Variants in PPEF1 observed in about 807,000 individuals in gnomAD.
PPEF1 encodes protein phosphatase with EF-hand domain 1.
PPEF1 carries 12 observed loss-of-function variants against 53.3 expected under a neutral mutation model. The ratio of observed to expected loss-of-function variants is 0.23; its 90% CI spans 0.14 to 0.36. The LOEUF (loss-of-function observed/expected upper bound fraction) is 0.36, where lower values mean the gene tolerates loss of function less well. Ranked by LOEUF, PPEF1 falls within the 10% of genes least tolerant of loss-of-function variation. The probability of loss-of-function intolerance (pLI) is 1.00; values close to 1 mark genes in which losing one functional copy is unlikely to be tolerated. For synonymous variants in PPEF1, 165 were observed against 176.7 expected, an observed-to-expected ratio of 0.93 and a Z score of 0.52; for missense variants, 334 against 490.4, an observed-to-expected ratio of 0.68 and a Z score of 3.01.
At chrX:18,761,020 A>G (rs2891806) in intron 5 of PPEF1, among the ~76,000 whole-genome samples, 44,171 of 109,170 alleles carry the variant, frequency 0.4, 7,941 homozygotes, top group Non-Finnish European at 0.57. Flanking sequence ...GGCCCAAATG[A>G]TCCATCTGCC....
intron 6 of PPEF1, among the ~76,000 whole-genome samples, chrX:18,775,381 G>A (rs1371795798): frequency 9.2e-5 from 10 of 109,076 alleles, no homozygotes; most frequent in Non-Finnish European, 1.5e-4. Flanking sequence ...GTGCCACCAC[G>A]CCTGGCTAAT....
At chrX:18,729,419 T>G (rs935352899) in intron 1 of PPEF1, among the ~76,000 whole-genome samples, 1 of 112,445 alleles carries the variant, frequency 8.9e-6, no homozygotes, top group South Asian at 3.7e-4. Flanking sequence ...CATCTTTCCC[T>G]TTGTATATGT....
intron 13 of PPEF1, among the ~76,000 whole-genome samples, chrX:18,821,758 CGAGAGA>C (rs754652406): frequency 0.05 from 1,443 of 28,601 alleles, 68 homozygotes; most frequent in East Asian, 0.32. Flanking sequence ...GAAACCATGG[CGAGAGA>C]GAGAGAGAGA....
chrX:18,690,546 T>A (rs774780128), intron 3 of PPEF1, among the ~76,000 whole-genome samples: 13 of 110,570 alleles, frequency 1.2e-4, no homozygotes, highest in Non-Finnish European at 2.3e-4. Flanking sequence ...CCAGCTAATT[T>A]TTGTTTTTAG....
chrX:18,827,214 C>T, intron 15 of PPEF1, 62 bp from the exon 16 acceptor site: 1 of 1,026,030 alleles, frequency 9.7e-7, no homozygotes, highest in Non-Finnish European at 1.4e-6. Context: ...GTGGGTTCCC[C>T]AACCCTTGCC....
intron 1 of PPEF1, among the ~76,000 whole-genome samples, chrX:18,683,032 G>A (rs1266576757): frequency 1.8e-5 from 2 of 111,392 alleles, no homozygotes; most frequent in African/African-American, 6.5e-5. Context: ...AGGCAAAAGG[G>A]GAAGCCAAAA....
intron 6 of PPEF1, among the ~76,000 whole-genome samples, chrX:18,766,105 A>G (rs2045765774): frequency 1.8e-5 from 2 of 109,714 alleles, no homozygotes; most frequent in East Asian, 5.7e-4. Flanking sequence ...AAAAGAAAAA[A>G]AGAAGCTGGA....
chrX:18,778,090 G>A (rs769308854), intron 6 of PPEF1, among the ~76,000 whole-genome samples: 1 of 110,872 alleles, frequency 9.0e-6, no homozygotes, highest in South Asian at 3.8e-4. Context: ...TATATGAGTA[G>A]TTAAATTTGT....
At chrX:18,778,728 C>T (rs2046020605) in intron 6 of PPEF1, among the ~76,000 whole-genome samples, 1 of 111,154 alleles carries the variant, frequency 9.0e-6, no homozygotes, top group African/African-American at 3.3e-5. Context: ...AATATCAGCT[C>T]CTTTCAGAGG....
At chrX:18,687,729 C>G (rs916756636) in intron 3 of PPEF1, among the ~76,000 whole-genome samples, 1 of 97,449 alleles carries the variant, frequency 1.0e-5, no homozygotes, top group African/African-American at 3.9e-5. Flanking sequence ...CACTCTGTTG[C>G]CCAGGCTGGA....
upstream of PPEF1, among the ~76,000 whole-genome samples, chrX:18,675,395 C>G (rs1432177781): frequency 8.8e-6 from 1 of 113,702 alleles, no homozygotes; most frequent in East Asian, 2.8e-4. Context: ...GGTCGGAAGT[C>G]AGGACGTCGC....
chrX:18,725,659 G>A (rs980320215), intron 1 of PPEF1, among the ~76,000 whole-genome samples: 1 of 111,679 alleles, frequency 9.0e-6, no homozygotes, highest in Non-Finnish European at 1.9e-5. Flanking sequence ...GTGCTGACTA[G>A]GGAAGGGTGG....
intron 6 of PPEF1, among the ~76,000 whole-genome samples, chrX:18,770,932 G>GC (rs1186417269): frequency 8.9e-6 from 1 of 112,488 alleles, no homozygotes; most frequent in African/African-American, 3.2e-5. Context: ...ATAATAATTT[G>GC]AATCCCTGGG....
Position 18,818,112 on chromosome X carries a change from C to T in PPEF1, c.1468C>T (p.Arg490Cys), listed in dbSNP as rs778720703. Residue 490 changes from arginine to cysteine, a missense_variant, in exon 13 of 16, where the codon CGT (arginine) becomes TGT (cysteine). By Grantham distance (180) the Arg-to-Cys change is radical (BLOSUM62 -3). Transcript: ENST00000470157. ...RVISRKSDLT[R>C]AFQLQDHRKS... is the part of the protein sequence containing the mutation. ...GATTTCACGAAAAAGTGACCTTACTCGTGCTTTCCAACTTCAAGACCACAG... is the reference window on the plus strand; with the variant it reads ...GATTTCACGAAAAAGTGACCTTACTTGTGCTTTCCAACTTCAAGACCACAG... The T allele has an allele frequency of 2.2e-5, 26 of 1,200,769 alleles. No individual in the cohort carries two copies. The highest frequency in any genetic ancestry group is 7.2e-5 in the South Asian group (4 of 55,388).
At chrX:18,768,441 C>T (rs988970117) in intron 6 of PPEF1, among the ~76,000 whole-genome samples, 4 of 112,462 alleles carry the variant, frequency 3.6e-5, no homozygotes, top group African/African-American at 1.3e-4. Context: ...CCAAAGCCAA[C>T]TAAGGGCACA....
At chrX:18,738,697 C>A (rs2045060473) in intron 3 of PPEF1, among the ~76,000 whole-genome samples, 1 of 112,309 alleles carries the variant, frequency 8.9e-6, no homozygotes, top group Non-Finnish European at 1.9e-5. Context: ...GGGAAGTTCT[C>A]CTGGATAATA....
intron 12 of PPEF1, among the ~76,000 whole-genome samples, chrX:18,814,626 G>A (rs777424815): frequency 1.3e-4 from 15 of 111,771 alleles, no homozygotes; most frequent in Non-Finnish European, 2.8e-4. Flanking sequence ...TTGGTTGGCC[G>A]CTTATAGGTC....
chrX:18,782,946 C>T (rs2046116048), intron 8 of PPEF1, among the ~76,000 whole-genome samples: 1 of 108,197 alleles, frequency 9.2e-6, no homozygotes, highest in African/African-American at 3.4e-5. Context: ...AACCCTGTCT[C>T]TACTAAAAAT....
chrX:18,827,712 C>T lies in PPEF1; in HGVS notation c.*225C>T, dbSNP rs1004916600. ...TAGGATTTGGTTTCAGCATTAGTAC[C>T]TACATATTGCCAGTGAGAAACTGGG... On this transcript the variant is annotated 3_prime_UTR_variant, in exon 16 of 16. Coordinates refer to ENST00000470157, the MANE Select transcript of PPEF1 (RefSeq NM_001377996.1). 5.4e-6 allele frequency: 2 copies of T among 368,182 alleles called. No individual in the cohort carries two copies. The allele number at this position is 368,182 out of a possible 1,213,427, so 30.3% of individuals were successfully genotyped here.
Sources: allele counts gnomAD v4.1 joint callset (sites outside exome capture counted in the v4.1 genomes callset), GRCh38; gene constraint gnomAD v4.1.1; transcripts MANE v1.5; gene names NCBI Gene and HGNC (gene_info 2026-07-23, HGNC 2026-07-21).